Variants in MSI2 observed in about 807,000 individuals in gnomAD.
The protein encoded by MSI2 is musashi RNA binding protein 2, also known as RNA-binding protein Musashi homolog 2.
Under a neutral mutation model 45.6 loss-of-function variants are expected in MSI2, and 17 were observed. That is an observed-to-expected ratio of 0.37 (90% CI 0.26 to 0.56). The LOEUF (loss-of-function observed/expected upper bound fraction) is 0.56, where lower values mean the gene tolerates loss of function less well. MSI2 is among the 20% of genes least tolerant of loss of function. The pLI is 0.77. For synonymous variants in MSI2, 156 were observed against 158.2 expected, an observed-to-expected ratio of 0.99 and a Z score of 0.11; for missense variants, 293 against 444.2, an observed-to-expected ratio of 0.66 and a Z score of 3.06.
chr17:57,581,843 G>A lies in MSI2; in HGVS notation c.455-15025G>A, dbSNP rs942689009. Among the ~76,000 whole-genome samples the A allele has an allele frequency of 3.9e-5, 6 of 152,290 alleles. 1 individual carries two copies. Among genetic ancestry groups the A allele is most frequent in the Non-Finnish European group, 1.5e-5 (1 of 68,022 alleles). On this transcript the variant is annotated intron_variant, in intron 7 of 13. Coordinates refer to ENST00000284073, the MANE Select transcript of MSI2 (RefSeq NM_138962.4). ...TTTCGTAAGTCGTCGCTTAACACAT[G>A]TTTTAGCAATTATATACTTAGTGGT... is the stretch of plus-strand genomic sequence containing the variant.
chr17:57,456,444 CTATTAG>C (rs1194998593), intron 6 of MSI2, among the ~76,000 whole-genome samples: 1 of 152,120 alleles, frequency 6.6e-6, no homozygotes, highest in Non-Finnish European at 1.5e-5. Context: ...CCTGTCTCTA[CTATTAG>C]TGGGGCGTGG....
intron 9 of MSI2, among the ~76,000 whole-genome samples, chr17:57,620,182 T>C (rs1016187111): frequency 6.6e-6 from 1 of 152,250 alleles, no homozygotes; most frequent in African/African-American, 2.4e-5. Context: ...GACTCTTCAC[T>C]CTATCAGCTG....
At chr17:57,594,685 G>C (rs762523294) in intron 7 of MSI2, among the ~76,000 whole-genome samples, 2 of 152,162 alleles carry the variant, frequency 1.3e-5, no homozygotes, top group African/African-American at 4.8e-5. Flanking sequence ...GGGGTAGGGG[G>C]TATAAACCTG....
chr17:57,666,794 GC>G (rs1182220692), intron 11 of MSI2, among the ~76,000 whole-genome samples: 4 of 152,182 alleles, frequency 2.6e-5, no homozygotes, highest in Admixed American at 2.0e-4. Context: ...ACACCACAGA[GC>G]AGCAACATGA....
intron 5 of MSI2, among the ~76,000 whole-genome samples, chr17:57,378,129 A>G (rs1323345039): frequency 3.3e-5 from 5 of 150,692 alleles, no homozygotes; most frequent in Admixed American, 2.6e-4. Flanking sequence ...CTTTTTTTTG[A>G]GGCGGAGTTT....
chr17:57,485,288 A>G (rs2085730229), intron 6 of MSI2, among the ~76,000 whole-genome samples: 1 of 152,204 alleles, frequency 6.6e-6, no homozygotes, highest in South Asian at 2.1e-4. Flanking sequence ...CTCTGCCCTC[A>G]GTTTTCTCTG....
chr17:57,604,443 G>A (rs959056304), intron 8 of MSI2, among the ~76,000 whole-genome samples: 99 of 152,170 alleles, frequency 6.5e-4, no homozygotes, highest in African/African-American at 2.3e-3. Flanking sequence ...TCCCGAGCCT[G>A]CGGGGCAGGG....
intron 6 of MSI2, among the ~76,000 whole-genome samples, chr17:57,472,696 G>A (rs532656457): frequency 2.6e-5 from 4 of 152,260 alleles, no homozygotes; most frequent in South Asian, 2.1e-4. Flanking sequence ...TTGTTATTGC[G>A]TTGCTGTGCG....
Position 57,524,555 on chromosome 17 carries a change from A to G in MSI2, c.406-5121A>G, listed in dbSNP as rs201056478. Reference sequence around the variant, plus strand: ...GTTAGATAGATCTAGACATGAGTTTATCTGTGAATAAGAGTTTATCTGTTA... The same window carrying G: ...GTTAGATAGATCTAGACATGAGTTTGTCTGTGAATAAGAGTTTATCTGTTA... On this transcript the variant is annotated intron_variant, in intron 6 of 13. Coordinates refer to ENST00000284073, the MANE Select transcript of MSI2 (RefSeq NM_138962.4). Among the ~76,000 whole-genome samples the G allele has an allele frequency of 3.3e-5, 5 of 152,232 alleles. No homozygotes were observed. The East Asian group carries it at 9.6e-4, about 29-fold the overall frequency.
chr17:57,662,431 C>G (rs1291973847), intron 11 of MSI2, among the ~76,000 whole-genome samples: 1 of 152,230 alleles, frequency 6.6e-6, no homozygotes, highest in Non-Finnish European at 1.5e-5. Context: ...AGTACCATGT[C>G]AAGCCCACCT....
intron 5 of MSI2, among the ~76,000 whole-genome samples, chr17:57,356,552 A>G (rs1916438879): frequency 6.6e-6 from 1 of 152,216 alleles, no homozygotes; most frequent in Non-Finnish European, 1.5e-5. Flanking sequence ...ACAAAACTTA[A>G]TGCATTGCTC....
At chr17:57,669,086 A>G (rs1242117398) in intron 11 of MSI2, among the ~76,000 whole-genome samples, 1 of 152,236 alleles carries the variant, frequency 6.6e-6, no homozygotes, top group East Asian at 1.9e-4. Context: ...TGCTCAAGAC[A>G]TGCCAATTCA....
At position 57,295,992 on chromosome 17, in the gene MSI2, C is replaced by CTTT. The variant is rs386386327; in HGVS notation, c.312+33832_312+33834dup. Reference sequence around the variant, plus strand: ...TGAGTTACCAGTTCACGCAGCCTTCCTTTTTTTTTTTTTTTTTTTTTTTTT... The same window carrying CTTT: ...TGAGTTACCAGTTCACGCAGCCTTCCTTTTTTTTTTTTTTTTTTTTTTTTTTTT... On this transcript the variant is annotated intron_variant, in intron 5 of 13. Coordinates refer to ENST00000284073, the MANE Select transcript of MSI2 (RefSeq NM_138962.4). Among the ~76,000 whole-genome samples the CTTT allele has an allele frequency of 1.9e-3, 72 of 38,636 alleles. 10 individuals carry two copies. Among genetic ancestry groups the CTTT allele is most frequent in the African/African-American group, 4.2e-3 (62 of 14,786 alleles). 25.3% of individuals were successfully genotyped at this position (38,636 alleles called of 152,430 possible).
intron 6 of MSI2, among the ~76,000 whole-genome samples, chr17:57,489,008 ACT>A: frequency 6.6e-6 from 1 of 151,914 alleles, no homozygotes. Flanking sequence ...CGAGGCCTTC[ACT>A]CTCAGTCCGT....
At chr17:57,509,201 G>A (rs185067486) in intron 6 of MSI2, among the ~76,000 whole-genome samples, 26 of 152,270 alleles carry the variant, frequency 1.7e-4, no homozygotes, top group Admixed American at 2.6e-4. Context: ...TAACTGCACC[G>A]AAGTGTTCTG....
intron 6 of MSI2, among the ~76,000 whole-genome samples, chr17:57,412,788 G>C (rs1483643705): frequency 6.6e-6 from 1 of 152,196 alleles, no homozygotes; most frequent in Admixed American, 6.5e-5. Flanking sequence ...CCTTGGCTGA[G>C]CATATTGCCT....
intron 6 of MSI2, among the ~76,000 whole-genome samples, chr17:57,443,059 C>T (rs1039995550): frequency 1.3e-5 from 2 of 152,132 alleles, no homozygotes; most frequent in African/African-American, 2.4e-5. Context: ...GGACAGCTAC[C>T]GTTTGCGGCC....
At chr17:57,646,494 C>T (rs1006239428) in intron 10 of MSI2, among the ~76,000 whole-genome samples, 2 of 152,190 alleles carry the variant, frequency 1.3e-5, no homozygotes, top group Admixed American at 6.5e-5. Flanking sequence ...TCCTCCTCCC[C>T]GCAGACAAGC....
Position 57,529,599 on chromosome 17 carries a change from C to A in MSI2, c.406-77C>A, listed in dbSNP as rs1021081661. The A allele has an allele frequency of 2.2e-6, 3 of 1,348,068 alleles. No individual in the cohort carries two copies. Among genetic ancestry groups the A allele is most frequent in the Admixed American group, 1.8e-5 (1 of 56,796 alleles). The allele number at this position is 1,348,068 out of a possible 1,614,324, so 83.5% of individuals were successfully genotyped here. A position where few individuals can be genotyped will look rare whatever the true frequency, so the allele number is the denominator to read the frequency against. ...TCTGTAATGGAAACTACCCCCTCAC[C>A]CCCCGACATGCATATAATGTTTTGT... On this transcript the variant is annotated intron_variant, in intron 6 of 13. Coordinates refer to ENST00000284073, the MANE Select transcript of MSI2 (RefSeq NM_138962.4). The surrounding 1 kb of genome is among the most constrained non-coding windows in gnomAD (Gnocchi z 5.3).
Sources: gnomAD v4.1 joint callset for allele counts (sites outside exome capture counted in the v4.1 genomes callset) on GRCh38, gnomAD v4.1.1 for gene constraint, Gnocchi (gnomAD v3.1) non-coding constraint, MANE v1.5 for transcripts, NCBI Gene and HGNC (gene_info 2026-07-23, HGNC 2026-07-21) for gene names.